The following SLC9A7 variants were observed in gnomAD, a reference collection of about 807,000 sequenced individuals.
SLC9A7 encodes sodium/hydrogen exchanger 7.
In SLC9A7, 19 loss-of-function variants were observed where a neutral mutation model predicts 52.6. The ratio of observed to expected loss-of-function variants is 0.36; its 90% CI spans 0.25 to 0.53. SLC9A7 has a LOEUF of 0.53. Among genes scored for constraint, SLC9A7 ranks in the 20% least tolerant of loss-of-function variants. SLC9A7 has a pLI of 0.91. For synonymous variants in SLC9A7, 226 were observed against 252.1 expected, an observed-to-expected ratio of 0.90 and a Z score of 0.98; for missense variants, 455 against 597.9, an observed-to-expected ratio of 0.76 and a Z score of 2.49.
At chrX:46,631,408 C>T (rs1427513013) in intron 14 of SLC9A7, among the ~76,000 whole-genome samples, 178 bp downstream of exon 14, 1 of 112,320 alleles carries the variant, frequency 8.9e-6, no homozygotes, top group Non-Finnish European at 1.9e-5. Context: ...GGCTCCATCA[C>T]TTATTCTGAG....
At chrX:46,631,379 T>C (rs1025784114) in intron 14 of SLC9A7, among the ~76,000 whole-genome samples, 8 of 112,125 alleles carry the variant, frequency 7.1e-5, no homozygotes, top group African/African-American at 2.6e-4. Context: ...TAAGAACACA[T>C]ACCCTGGGGA....
chrX:46,627,464 T>C (rs1943149184), intron 14 of SLC9A7, among the ~76,000 whole-genome samples: 2 of 111,784 alleles, frequency 1.8e-5, no homozygotes, highest in Admixed American at 1.9e-4. Flanking sequence ...GAGACACTGT[T>C]AAAATGCAGA....
In SLC9A7 at chrX:46,610,201, T is replaced by C. The variant is rs144263335; in HGVS notation, c.1930-2998A>G. 1.9e-3 allele frequency among the ~76,000 whole-genome samples: 216 copies of C among 112,844 alleles called. 4 individuals carry two copies. The South Asian group carries it at 0.035, about 18-fold the overall frequency. The stretch of plus-strand genomic sequence containing the variant: ...ACTAGCTGTGCAATTAAGTCTGCTA[T>C]GAAAATGCAGTGAAAACACCTGCAA... On this transcript the variant is annotated intron_variant, in intron 16 of 16. Coordinates refer to ENST00000616978, the MANE Select transcript of SLC9A7 (RefSeq NM_001257291.2).
At chrX:46,655,983 T>C (rs1295615957) in intron 7 of SLC9A7, among the ~76,000 whole-genome samples, 1 of 111,179 alleles carries the variant, frequency 9.0e-6, no homozygotes, top group Non-Finnish European at 1.9e-5. Context: ...TCTGACAGCT[T>C]TGAAGAGAGC....
In SLC9A7 at chrX:46,705,736, C is replaced by T. The variant is rs1015184562; in HGVS notation, c.326-23201G>A. On this transcript the variant is annotated intron_variant, in intron 1 of 16. Coordinates refer to ENST00000616978, the MANE Select transcript of SLC9A7 (RefSeq NM_001257291.2). ...CTATAGTTCCATCTACTCGGGAGACCGAGGTAGGAGGATCACTTGAGCCCA... is the reference window on the plus strand; with the variant it reads ...CTATAGTTCCATCTACTCGGGAGACTGAGGTAGGAGGATCACTTGAGCCCA... Among the ~76,000 whole-genome samples, 16 of 111,124 alleles carry T rather than the reference C, an allele frequency of 1.4e-4. No homozygotes were observed. The East Asian group carries it at 2.8e-3, about 20-fold the overall frequency.
At chrX:46,656,712 T>C (rs1943701481) in intron 7 of SLC9A7, among the ~76,000 whole-genome samples, 1 of 111,548 alleles carries the variant, frequency 9.0e-6, no homozygotes, top group Non-Finnish European at 1.9e-5. Flanking sequence ...CCAAGAAATA[T>C]GGGATTATGT....
At chrX:46,672,450 C>A (rs768328276) in intron 4 of SLC9A7, 101 bp downstream of exon 4, 1 of 585,218 alleles carries the variant, frequency 1.7e-6, no homozygotes, top group Non-Finnish European at 2.9e-6. Context: ...ATCCTGACTG[C>A]CATCATCAAA....
chrX:46,632,735 C>T (rs1166914811), intron 13 of SLC9A7, among the ~76,000 whole-genome samples: 2 of 111,721 alleles, frequency 1.8e-5, no homozygotes, highest in Non-Finnish European at 3.8e-5. Flanking sequence ...GTCTGCCTTA[C>T]TGTTTAAATA....
chrX:46,723,256 C>T (rs1330342167), intron 1 of SLC9A7, among the ~76,000 whole-genome samples: 1 of 90,324 alleles, frequency 1.1e-5, no homozygotes, highest in African/African-American at 4.3e-5. Context: ...ACTAATGTGT[C>T]TGGGTGGGGC....
At chrX:46,646,444 A>C (rs1321512124) in intron 11 of SLC9A7, 1 of 119,373 alleles carries the variant, frequency 8.4e-6, no homozygotes, top group Non-Finnish European at 1.7e-5. Context: ...AAAATGGCTG[A>C]AATGAAAAAT....
chrX:46,659,109 C>A (rs1452185490), intron 7 of SLC9A7, among the ~76,000 whole-genome samples: 1 of 111,241 alleles, frequency 9.0e-6, no homozygotes, highest in East Asian at 2.8e-4. Flanking sequence ...ATAAACAGAA[C>A]CAAAGACAAA....
At chrX:46,659,304 AACTGGC>A (rs1433322693) in intron 7 of SLC9A7, among the ~76,000 whole-genome samples, 15 of 103,044 alleles carry the variant, frequency 1.5e-4, no homozygotes, top group Non-Finnish European at 2.8e-4. Context: ...TCCCTTTGAA[AACTGGC>A]ACAAGACAGG....
At chrX:46,616,823 G>C (rs977938639) in intron 15 of SLC9A7, among the ~76,000 whole-genome samples, 1 of 111,490 alleles carries the variant, frequency 9.0e-6, no homozygotes, top group Non-Finnish European at 1.9e-5. Context: ...TGAGAAGTCT[G>C]ATTCTTGCTT....
chrX:46,672,286 C>T (rs1303027331), intron 4 of SLC9A7, among the ~76,000 whole-genome samples: 1 of 111,608 alleles, frequency 9.0e-6, no homozygotes, highest in Non-Finnish European at 1.9e-5. Context: ...CTAGAATTAG[C>T]CATTTCTGCA....
At chrX:46,673,167 G>A (rs1299833160) in intron 3 of SLC9A7, among the ~76,000 whole-genome samples, 1 of 111,649 alleles carries the variant, frequency 9.0e-6, no homozygotes, top group Non-Finnish European at 1.9e-5. Flanking sequence ...ATTAATGTCT[G>A]AAGCCTGGGA....
chrX:46,680,668 T>G (rs1281586063), intron 2 of SLC9A7, among the ~76,000 whole-genome samples: 1 of 112,131 alleles, frequency 8.9e-6, no homozygotes, highest in Non-Finnish European at 1.9e-5. Context: ...AGAACAAAGT[T>G]TTATCATATC....
intron 7 of SLC9A7, among the ~76,000 whole-genome samples, chrX:46,661,388 GAA>G (rs200128675): frequency 6.4e-5 from 7 of 109,350 alleles, no homozygotes; most frequent in Admixed American, 9.7e-5. Context: ...TAAAAAAAAA[GAA>G]AAAAAAATTA....
intron 5 of SLC9A7, among the ~76,000 whole-genome samples, chrX:46,664,807 A>C (rs1025207664): frequency 1.4e-4 from 15 of 110,360 alleles, no homozygotes; most frequent in Non-Finnish European, 1.9e-5. Flanking sequence ...GCTGGGGTAC[A>C]GTGGTGTGAT....
chrX:46,736,709 T>C (rs1798506654), intron 1 of SLC9A7, among the ~76,000 whole-genome samples: 1 of 111,091 alleles, frequency 9.0e-6, no homozygotes, highest in Non-Finnish European at 1.9e-5. Flanking sequence ...TTTATGGCAT[T>C]GGGTAATTTG....
Sources: gnomAD v4.1 joint callset for allele counts (sites outside exome capture counted in the v4.1 genomes callset) on GRCh38, gnomAD v4.1.1 for gene constraint, MANE v1.5 for transcripts, NCBI Gene and HGNC (gene_info 2026-07-23, HGNC 2026-07-21) for gene names.